USP4: variants seen among roughly 807,000 people sequenced by gnomAD.
The protein encoded by USP4 is ubiquitin specific peptidase 4, also known as ubiquitin carboxyl-terminal hydrolase 4.
Under a neutral mutation model 118.2 loss-of-function variants are expected in USP4, and 72 were observed. The observed-to-expected ratio is 0.61, with a 90% CI of 0.50 to 0.74. The LOEUF (loss-of-function observed/expected upper bound fraction) is 0.74. USP4 is among the 30% of genes least tolerant of loss of function. The probability of loss-of-function intolerance (pLI) is 0.00; values close to 1 mark genes in which losing one functional copy is unlikely to be tolerated. For synonymous variants in USP4, 415 were observed against 440.4 expected, an observed-to-expected ratio of 0.94 and a Z score of 0.72; for missense variants, 1,037 against 1,185.7, an observed-to-expected ratio of 0.87 and a Z score of 1.84.
chr3:49,314,337 AATGTAC>A (rs1249772263), intron 6 of USP4, among the ~76,000 whole-genome samples: 2 of 152,234 alleles, frequency 1.3e-5, no homozygotes, highest in African/African-American at 4.8e-5. Context: ...CCCATAAGGA[AATGTAC>A]CCTTCTCTAA....
At chr3:49,327,549 G>A in intron 3 of USP4, 137 bp downstream of exon 3, 1 of 878,738 alleles carries the variant, frequency 1.1e-6, no homozygotes, top group Non-Finnish European at 1.7e-6. Context: ...AAAAAAAAAA[G>A]AGATCCAGAA....
rs754642053 is a variant in USP4, at chr3:49,295,701, T to TGCGC, written c.1692-1107_1692-1104dup. Reference sequence around the variant, plus strand: ...TTTTGAAACTAAACATATGCACGTGTGCGCGCGCGCGCGCACACACACACA... The same window carrying TGCGC: ...TTTTGAAACTAAACATATGCACGTGTGCGCGCGCGCGCGCGCGCACACACACACA... On this transcript the variant is annotated intron_variant, in intron 13 of 21. Transcript: ENST00000265560. Among the ~76,000 whole-genome samples the TGCGC allele has an allele frequency of 4.7e-3, 689 of 146,110 alleles. 3 individuals carry two copies. The highest frequency in any genetic ancestry group is 6.8e-3 in the Middle Eastern group (2 of 294).
At chr3:49,302,254 A>G in intron 10 of USP4, 130 bp downstream of exon 10, 2 of 1,005,152 alleles carry the variant, frequency 2.0e-6, no homozygotes, top group Non-Finnish European at 2.9e-6. Flanking sequence ...CCATATCCCT[A>G]TAACTAGCTA....
At chr3:49,282,712 T>C (rs1237001994) in intron 19 of USP4, among the ~76,000 whole-genome samples, 1 of 151,988 alleles carries the variant, frequency 6.6e-6, no homozygotes, top group Non-Finnish European at 1.5e-5. Flanking sequence ...CTCCCTTTTT[T>C]TTTTCTTTTT....
At chr3:49,280,042 C>T (rs1002482589) in intron 20 of USP4, among the ~76,000 whole-genome samples, 5 of 151,676 alleles carry the variant, frequency 3.3e-5, no homozygotes, top group African/African-American at 9.7e-5. Context: ...CAGGGTGGTT[C>T]GCTTGAGCCC....
At chr3:49,317,004 TGAA>T (rs2047443543) in intron 6 of USP4, 1 of 752,148 alleles carries the variant, frequency 1.3e-6, no homozygotes, top group Non-Finnish European at 2.3e-6. Context: ...GCTGCTGCCA[TGAA>T]GAAGACGCTC....
chr3:49,337,512 C>G (rs1334036818), intron 1 of USP4, among the ~76,000 whole-genome samples: 1 of 152,148 alleles, frequency 6.6e-6, no homozygotes, highest in African/African-American at 2.4e-5. Flanking sequence ...TCTCTGTAGC[C>G]TCAAACTCCT....
Position 49,311,538 on chromosome 3 carries a change from A to C in USP4, c.812T>G (p.Met271Arg), listed in dbSNP as rs2047382881. 5 of 1,613,764 alleles carry C rather than the reference A, an allele frequency of 3.1e-6. No individual in the cohort carries two copies. Among genetic ancestry groups the C allele is most frequent in the Non-Finnish European group, 2.5e-6 (3 of 1,179,830 alleles). ...CCCCCTGCTGACACCGGAACTGTGC[A>C]TCCCACAGGTGCTAGTGCTATCACC... The part of the protein sequence containing the change: ...ANGDSTSTCG[M>R]HSSGVSRGGS... Residue 271 changes from methionine to arginine, a missense_variant, in exon 7 of 22, where the codon ATG becomes AGG. Physicochemically the swap from Met to Arg is moderately conservative, Grantham distance 91. Around this residue, in one of 3 missense-constraint regions of USP4, gnomAD observed 487 missense variants for 534.1 expected, o/e 0.91. Coordinates refer to ENST00000265560, the MANE Select transcript of USP4 (RefSeq NM_003363.4).
intron 6 of USP4, chr3:49,318,687 T>A: frequency 1.1e-6 from 1 of 903,106 alleles, no homozygotes; most frequent in Non-Finnish European, 1.3e-6. Flanking sequence ...GGCGGGTGGA[T>A]CACCTGAGGC....
chr3:49,313,309 T>C (rs2047405256), intron 6 of USP4, among the ~76,000 whole-genome samples: 1 of 152,022 alleles, frequency 6.6e-6, no homozygotes, highest in Admixed American at 6.6e-5. Flanking sequence ...GGTGGATCAC[T>C]TGAGGTCAGG....
Position 49,326,011 on chromosome 3 carries a change from A to G in USP4, c.361-166T>C, listed in dbSNP as rs575957510. 1.3e-4 allele frequency among the ~76,000 whole-genome samples: 20 copies of G among 152,308 alleles called. No individual in the cohort carries two copies. In the East Asian group the frequency reaches 3.9e-3, roughly 29 times the overall value. On this transcript the variant is annotated intron_variant, in intron 3 of 21. Coordinates refer to ENST00000265560, the MANE Select transcript of USP4 (RefSeq NM_003363.4). ...TTTTTAAAGCTACCAGTACCTGGAC[A>G]AAGAGTTTAAAAATATTTTTTCTGG...
intron 3 of USP4, among the ~76,000 whole-genome samples, chr3:49,327,422 G>A (rs1351123381): frequency 6.6e-6 from 1 of 152,142 alleles, no homozygotes; most frequent in African/African-American, 2.4e-5. Flanking sequence ...TGTAATCCCA[G>A]CTACTCAGGA....
rs150907495 is a variant in USP4 at position 49,284,301 on chromosome 3, G to A, written c.2390+165C>T. On this transcript the variant is annotated intron_variant, in intron 18 of 21. Transcript: ENST00000265560. Reference sequence around the variant, plus strand: ...GACCTGTCTTCCAAAATGGGGTGACGGCTTTCCTTGGAAACCTCAACTCAC... The same window carrying A: ...GACCTGTCTTCCAAAATGGGGTGACAGCTTTCCTTGGAAACCTCAACTCAC... 3.8e-3 allele frequency among the ~76,000 whole-genome samples: 585 copies of A among 152,292 alleles called. 3 individuals carry two copies. Among genetic ancestry groups the A allele is most frequent in the African/African-American group, 0.013 (558 of 41,558 alleles).
intron 10 of USP4, among the ~76,000 whole-genome samples, chr3:49,302,043 C>T (rs2047267657): frequency 6.6e-6 from 1 of 151,946 alleles, no homozygotes; most frequent in African/African-American, 2.4e-5. Flanking sequence ...TTTGAAAAAG[C>T]CCAAGAGGAA....
Position 49,324,954 on chromosome 3 carries a change from G to A in USP4, c.573C>T (p.Thr191=). The A allele has an allele frequency of 6.2e-7, 1 of 1,614,156 alleles. No individual in the cohort carries two copies. Residue 191 remains threonine (T), a synonymous_variant, in exon 5 of 22, where the codon ACC becomes ACT. Coordinates refer to ENST00000265560, the MANE Select transcript of USP4 (RefSeq NM_003363.4). The part of the protein sequence containing the change: ...TRLWNKYMSN[T]YEQLSKLDNT... ...TGTCTAGCTTGCTCAACTGCTCGTAGGTGTTGCTCATGTATTTGTTCCAGA... is the reference window on the plus strand; with the variant it reads ...TGTCTAGCTTGCTCAACTGCTCGTAAGTGTTGCTCATGTATTTGTTCCAGA...
chr3:49,282,762 C>T (rs1284646513), intron 19 of USP4, among the ~76,000 whole-genome samples: 1 of 151,534 alleles, frequency 6.6e-6, no homozygotes, highest in East Asian at 1.9e-4. Context: ...GGCTGGAGTG[C>T]AGTGGCACAA....
At position 49,283,305 on chromosome 3, in the gene USP4, T is replaced by C. The variant is rs150382657; in HGVS notation, c.2540+682A>G. On this transcript the variant is annotated intron_variant, in intron 19 of 21. Transcript: ENST00000265560. ...CTGGGATTACAAGCATGAGCCACCG[T>C]GCCCAGCCTATTTTTTTAAATATAT... is the stretch of plus-strand genomic sequence containing the variant. Among the ~76,000 whole-genome samples, 1,246 of 152,008 alleles carry C rather than the reference T, an allele frequency of 8.2e-3. 12 individuals are homozygous for C. Among genetic ancestry groups the C allele is most frequent in the African/African-American group, 0.023 (937 of 41,468 alleles).
intron 18 of USP4, 106 bp from the exon 19 acceptor site, chr3:49,284,242 C>T (rs1575600385): frequency 8.2e-6 from 12 of 1,459,514 alleles, no homozygotes; most frequent in South Asian, 2.5e-5. Flanking sequence ...GCCATCCTCT[C>T]GGTCAGCACT....
rs2046979266 is a variant in USP4 at position 49,277,837 on chromosome 3, G to A, written c.*456C>T. 1.7e-5 allele frequency: 5 copies of A among 296,634 alleles called. No individual in the cohort carries two copies. The East Asian group carries it at 2.7e-4, about 16-fold the overall frequency. The allele number at this position is 296,634 out of a possible 1,614,324, so 18.4% of individuals were successfully genotyped here. ...ACCCATATCAGTGCACATAGCGAGG[G>A]AAAGGGGAGTTTACTTGAGGTTTGG... is the stretch of plus-strand genomic sequence containing the variant. On this transcript the variant is annotated 3_prime_UTR_variant, in exon 22 of 22. Transcript: ENST00000265560.
Sources: allele counts gnomAD v4.1 joint callset (sites outside exome capture counted in the v4.1 genomes callset), GRCh38; gene constraint gnomAD v4.1.1; regional missense constraint gnomAD v4.1.1; transcripts MANE v1.5; gene names NCBI Gene and HGNC (gene_info 2026-07-23, HGNC 2026-07-21).